The following MGA variants were observed in gnomAD, a reference collection of about 807,000 sequenced individuals.
The protein encoded by MGA is MAX gene-associated protein.
Under a neutral mutation model 261.1 loss-of-function variants are expected in MGA, and 40 were observed. The ratio of observed to expected loss-of-function variants is 0.15; its 90% CI spans 0.12 to 0.20. The LOEUF (loss-of-function observed/expected upper bound fraction) is 0.20. Ranked by LOEUF, MGA falls within the 10% of genes least tolerant of loss-of-function variation. MGA has a pLI of 1.00. For synonymous variants in MGA, 1,302 were observed against 1,290.6 expected (o/e 1.01, Z -0.19); for missense variants, 3,397 against 3,630.5 (o/e 0.94, Z 1.65).
intron 20 of MGA, among the ~76,000 whole-genome samples, chr15:41,761,384 A>G (rs2063447803): frequency 6.6e-6 from 1 of 152,186 alleles, no homozygotes. Flanking sequence ...ATCCCTCTAG[A>G]GCAGTTATTT....
Position 41,749,802 on chromosome 15 carries a change from T to G in MGA, c.6195T>G (p.Val2065=). Residue 2065 remains valine, a synonymous_variant, in exon 17 of 24, where the codon GTT becomes GTG. Transcript: ENST00000219905. ...ATACAGATCAAGATTATAAAGATGT[T>G]AATGAAGAATATGGGGCTAGGAATC... 6.2e-7 allele frequency: 1 copy of G among 1,613,942 alleles called. No homozygotes were observed. Among genetic ancestry groups the G allele is most frequent in the Non-Finnish European group, 8.5e-7 (1 of 1,179,884 alleles).
At chr15:41,759,837 G>T (rs188213453) in intron 19 of MGA, among the ~76,000 whole-genome samples, 1 of 152,150 alleles carries the variant, frequency 6.6e-6, no homozygotes, top group Non-Finnish European at 1.5e-5. Flanking sequence ...TGTCAGGGAG[G>T]TGTGGGATTG....
rs1181523905 is a variant in MGA, at chr15:41,696,463, G to C, written c.1453G>C (p.Glu485Gln). ...CACCAGAAGCACAGTTAAGATTTCT[G>C]AACTCCCCGATAACATGCTTTCCAC... is the stretch of plus-strand genomic sequence containing the variant. Residue 485 changes from glutamate (E) to glutamine (Q), a missense_variant, in exon 3 of 24, where the codon GAA becomes CAA. Physicochemically the swap from Glu to Gln is conservative, Grantham distance 29. Coordinates refer to ENST00000219905, the MANE Select transcript of MGA (RefSeq NM_001164273.2). 1 of 1,613,964 alleles carries C rather than the reference G, an allele frequency of 6.2e-7. No homozygotes were observed. Among genetic ancestry groups the C allele is most frequent in the South Asian group, 1.1e-5 (1 of 91,066 alleles).
At chr15:41,664,609 G>A (rs1184510609) in intron 1 of MGA, among the ~76,000 whole-genome samples, 3 of 152,064 alleles carry the variant, frequency 2.0e-5, no homozygotes, top group Non-Finnish European at 2.9e-5. Context: ...TTGTGCTCAC[G>A]TGGAACACAT....
chr15:41,679,455 C>G (rs766633870), intron 2 of MGA, among the ~76,000 whole-genome samples: 1 of 152,014 alleles, frequency 6.6e-6, no homozygotes, highest in South Asian at 2.1e-4. Flanking sequence ...GGATATCTTT[C>G]CATTTTAATT....
intron 2 of MGA, among the ~76,000 whole-genome samples, chr15:41,673,364 C>T (rs1393932607): frequency 1.3e-5 from 2 of 149,926 alleles, no homozygotes; most frequent in African/African-American, 4.9e-5. Context: ...ATTACAGGTG[C>T]ATGCCACCAT....
intron 11 of MGA, among the ~76,000 whole-genome samples, chr15:41,729,957 G>A (rs2061426088): frequency 6.6e-6 from 1 of 151,892 alleles, no homozygotes; most frequent in South Asian, 2.1e-4. Context: ...CAATGGTGTG[G>A]TCTCGGCTCA....
At chr15:41,671,229 G>A (rs532670555) in intron 2 of MGA, among the ~76,000 whole-genome samples, 13 of 152,200 alleles carry the variant, frequency 8.5e-5, no homozygotes, top group Non-Finnish European at 1.0e-4. Flanking sequence ...GATGAGATGG[G>A]GGGGAGGATT....
At position 41,725,859 on chromosome 15, in the gene MGA, AATAAAT is replaced by A. The variant is rs2061213535; in HGVS notation, c.3431-1319_3431-1314del. Among the ~76,000 whole-genome samples, 3 of 13,710 alleles carry A rather than the reference AATAAAT, an allele frequency of 2.2e-4. 1 individual carries two copies. The highest frequency in any genetic ancestry group is 4.2e-4 in the African/African-American group (3 of 7,060). 9.0% of individuals were successfully genotyped at this position (13,710 alleles called of 152,430 possible). ...CAAAAAAAAAAAAAAAAAAAAAATA[AATAAAT>A]AAATAAATAAATAAGTAAACCCAGG... On this transcript the variant is annotated intron_variant, in intron 9 of 23. Transcript: ENST00000219905.
At chr15:41,727,020 A>T (rs2061286025) in intron 9 of MGA, among the ~76,000 whole-genome samples, 160 bp from the exon 10 acceptor site, 1 of 152,178 alleles carries the variant, frequency 6.6e-6, no homozygotes, top group Non-Finnish European at 1.5e-5. Context: ...AAGTATATAA[A>T]TACCACTAAA....
intron 22 of MGA, 96 bp downstream of exon 22, chr15:41,762,458 GTGGTTTTTT>G: frequency 4.7e-6 from 1 of 214,122 alleles, no homozygotes; most frequent in African/African-American, 4.3e-5. Context: ...TTAGTTTTGT[GTGGTTTTTT>G]TTTTTTTTTT....
chr15:41,641,871 C>T (rs544012736), intron 1 of MGA, among the ~76,000 whole-genome samples: 1 of 152,008 alleles, frequency 6.6e-6, no homozygotes, highest in South Asian at 2.1e-4. Flanking sequence ...TCACAACTTA[C>T]TGTAGTCTTG....
intron 9 of MGA, 45 bp downstream of exon 9, chr15:41,713,541 G>C (rs1386916849): frequency 4.1e-6 from 6 of 1,474,414 alleles, no homozygotes; most frequent in Non-Finnish European, 5.4e-6. Context: ...TCAGTTTTTG[G>C]AAAAGTATGG....
chr15:41,699,442 C>G (rs975912453), intron 5 of MGA, among the ~76,000 whole-genome samples: 1 of 152,104 alleles, frequency 6.6e-6, no homozygotes, highest in Non-Finnish European at 1.5e-5. Context: ...ATTCTTATAA[C>G]CTGGTATTCT....
At position 41,696,490 on chromosome 15, in the gene MGA, T is replaced by A. The variant is rs1566989978; in HGVS notation, c.1480T>A (p.Ser494Thr). ...ACTCCCCGATAACATGCTTTCCACA[T>A]CTCGAAAGGATAAATCTTCTATGTT... Residue 494 changes from serine to threonine, a missense_variant, in exon 3 of 24, where the codon TCT becomes ACT. By Grantham distance (58) the Ser-to-Thr change is moderately conservative (BLOSUM62 1). Around this residue, in one of 9 missense-constraint regions of MGA, gnomAD observed 563 missense variants for 563.6 expected, o/e 1.00. Transcript: ENST00000219905. 1 of 1,613,986 alleles carries A rather than the reference T, an allele frequency of 6.2e-7. No homozygotes were observed.
At position 41,750,311 on chromosome 15, in the gene MGA, G is replaced by C. The variant is rs1242564532; in HGVS notation, c.6704G>C (p.Arg2235Thr). 1.2e-6 allele frequency: 2 copies of C among 1,614,046 alleles called. No individual in the cohort carries two copies. The highest frequency in any genetic ancestry group is 1.1e-5 in the South Asian group (1 of 91,082). The change falls in exon 17 of 24, where the codon AGA becomes ACA. Residue 2235 changes from arginine to threonine, a missense_variant. Physicochemically the swap from Arg to Thr is moderately conservative, Grantham distance 71. Transcript: ENST00000219905. ...AAAAGTGGAATTACTGAAGATGCCA[G>C]AGTTTTGAAAACTGAATGTGATTCT...
rs768652894 is a variant in MGA at position 41,696,120 on chromosome 15, G to C, written c.1110G>C (p.Pro370=). ...AAGATGACTCCCGTGTAGCCTCACC[G>C]TTAGACCAGAACGGAAGCTTCAATG... Residue 370 remains proline (P), a synonymous_variant, in exon 3 of 24, where the codon CCG becomes CCC. Coordinates refer to ENST00000219905, the MANE Select transcript of MGA (RefSeq NM_001164273.2). 6 of 1,613,422 alleles carry C rather than the reference G, an allele frequency of 3.7e-6. No homozygotes were observed. The African/African-American group carries it at 8.0e-5, about 22-fold the overall frequency.
intron 2 of MGA, among the ~76,000 whole-genome samples, chr15:41,674,474 A>G (rs1032685267): frequency 7.2e-5 from 11 of 152,128 alleles, no homozygotes; most frequent in Non-Finnish European, 1.6e-4. Context: ...TTAGGATTAT[A>G]GGCATGAGCC....
Position 41,766,911 on chromosome 15 carries a change from A to G in MGA, c.8829A>G (p.Lys2943=). ...AGGATTCCCTCCTTTCCAACAAGAAAGCTATTGATGGAGGGAAGAATACTT... is the reference window on the plus strand; with the variant it reads ...AGGATTCCCTCCTTTCCAACAAGAAGGCTATTGATGGAGGGAAGAATACTT... The change falls in exon 24 of 24, where the codon AAA becomes AAG. Residue 2943 remains lysine (K), a synonymous_variant. Transcript: ENST00000219905. The G allele has an allele frequency of 6.2e-7, 1 of 1,614,024 alleles. No homozygotes were observed. Among genetic ancestry groups the G allele is most frequent in the Non-Finnish European group, 8.5e-7 (1 of 1,179,902 alleles).
Sources: gnomAD v4.1 joint callset for allele counts (sites outside exome capture counted in the v4.1 genomes callset) on GRCh38, gnomAD v4.1.1 for gene constraint, gnomAD v4.1.1 regional missense constraint, MANE v1.5 for transcripts, NCBI Gene and HGNC (gene_info 2026-07-23, HGNC 2026-07-21) for gene names.